INO80: variants seen among roughly 807,000 people sequenced by gnomAD.
INO80 encodes the protein chromatin-remodeling ATPase INO80.
In INO80, 20 loss-of-function variants were observed where a neutral mutation model predicts 203.4. The observed-to-expected ratio is 0.10, with a 90% CI of 0.07 to 0.14. INO80 has a LOEUF of 0.14. Ranked by LOEUF, INO80 falls within the 10% of genes least tolerant of loss-of-function variation. The probability of loss-of-function intolerance (pLI) is 1.00; values close to 1 mark genes in which losing one functional copy is unlikely to be tolerated. For missense variants in INO80, 1,419 were observed against 1,914.4 expected (o/e 0.74, Z 4.83); for synonymous variants, 726 against 685.2 (o/e 1.06, Z -0.93).
intron 35 of INO80, 34 bp downstream of exon 35, chr15:40,982,828 G>C: frequency 6.4e-7 from 1 of 1,555,656 alleles, no homozygotes; most frequent in Non-Finnish European, 8.8e-7. Flanking sequence ...TCTCTGACCA[G>C]AACAAAGTCT....
intron 25 of INO80, chr15:41,023,100 CAAAA>C (rs5812181): frequency 2.4e-3 from 726 of 298,874 alleles, no homozygotes; most frequent in East Asian, 6.2e-3. Flanking sequence ...CAGACTGTCT[CAAAA>C]AAAAAAAAAA....
intron 5 of INO80, among the ~76,000 whole-genome samples, chr15:41,087,946 A>T (rs905934098): frequency 4.6e-5 from 7 of 152,154 alleles, no homozygotes; most frequent in Non-Finnish European, 1.0e-4. Context: ...CTACATACTT[A>T]CTTAAACCTG....
chr15:41,079,086 G>A (rs144163005), intron 9 of INO80, among the ~76,000 whole-genome samples: 45 of 152,204 alleles, frequency 3.0e-4, no homozygotes, highest in African/African-American at 1.0e-3. Context: ...TTGCAGAGCC[G>A]AGATTACGCC....
At chr15:41,054,797 C>A (rs1321766319) in intron 18 of INO80, among the ~76,000 whole-genome samples, 3 of 152,148 alleles carry the variant, frequency 2.0e-5, no homozygotes, top group African/African-American at 7.2e-5. Flanking sequence ...CGCCATCATG[C>A]CCGGCTAATT....
At chr15:41,078,085 A>T (rs1398103502) in intron 9 of INO80, among the ~76,000 whole-genome samples, 1 of 151,872 alleles carries the variant, frequency 6.6e-6, no homozygotes, top group Admixed American at 6.6e-5. Flanking sequence ...TTTTTAGTAG[A>T]GACAGGGTTT....
At chr15:41,000,995 T>C (rs1265244020) in intron 28 of INO80, among the ~76,000 whole-genome samples, 1 of 152,150 alleles carries the variant, frequency 6.6e-6, no homozygotes, top group East Asian at 1.9e-4. Context: ...AAAATAAGAA[T>C]TGCAGACACC....
intron 9 of INO80, 104 bp downstream of exon 9, chr15:41,079,597 A>AAT: frequency 7.3e-6 from 8 of 1,089,088 alleles, no homozygotes; most frequent in Non-Finnish European, 9.5e-6. Context: ...AAAACAAAAA[A>AAT]TTGACAGTGT....
intron 35 of INO80, among the ~76,000 whole-genome samples, chr15:40,982,189 C>T (rs949540707): frequency 2.6e-5 from 4 of 152,228 alleles, no homozygotes; most frequent in African/African-American, 7.2e-5. Context: ...CTCTGTCACC[C>T]ATGCTGGAGT....
At chr15:41,084,139 C>A (rs923392181) in intron 7 of INO80, among the ~76,000 whole-genome samples, 1 of 150,948 alleles carries the variant, frequency 6.6e-6, no homozygotes, top group Non-Finnish European at 1.5e-5. Context: ...ATGTAAACAA[C>A]TGGTGAATCT....
At chr15:41,078,054 C>A (rs1254958026) in intron 9 of INO80, among the ~76,000 whole-genome samples, 1 of 151,992 alleles carries the variant, frequency 6.6e-6, no homozygotes, top group Non-Finnish European at 1.5e-5. Context: ...CGGCCGCCAC[C>A]ATGCCCGGCT....
At chr15:40,996,515 G>A (rs1002666848) in intron 29 of INO80, among the ~76,000 whole-genome samples, 2 of 151,284 alleles carry the variant, frequency 1.3e-5, no homozygotes, top group South Asian at 2.1e-4. Flanking sequence ...TGGTAGAGAC[G>A]TGGTTTCACC....
At chr15:41,046,148 G>GGT (rs1191808294) in intron 23 of INO80, among the ~76,000 whole-genome samples, 12 of 121,416 alleles carry the variant, frequency 9.9e-5, no homozygotes, top group Admixed American at 2.7e-4. Flanking sequence ...ATATTTAAGG[G>GGT]GTGTGTGTGT....
intron 12 of INO80, among the ~76,000 whole-genome samples, chr15:41,070,918 C>T (rs931230070): frequency 2.0e-5 from 3 of 152,220 alleles, no homozygotes; most frequent in Admixed American, 1.3e-4. Flanking sequence ...ATGCCCGTCC[C>T]GGCACTTTGG....
chr15:41,020,880 C>T lies in INO80; in HGVS notation c.3274+20G>A, dbSNP rs544904340. 3 of 1,524,674 alleles carry T rather than the reference C, an allele frequency of 2.0e-6. No individual in the cohort carries two copies. In the East Asian group the frequency reaches 6.8e-5, roughly 34 times the overall value. The allele number at this position is 1,524,674 out of a possible 1,614,324, so 94.4% of individuals were successfully genotyped here. The stretch of plus-strand genomic sequence containing the variant: ...CCTTGCCAAAGCGAGGAACACATTC[C>T]AAGAGGATTGAGAACTCACCTGGAA... On this transcript the variant is annotated intron_variant, in intron 26 of 35. Coordinates refer to ENST00000648947, the MANE Select transcript of INO80 (RefSeq NM_017553.3).
In INO80 at chr15:41,069,497, G is replaced by C; in HGVS notation, c.1782+73C>G. On this transcript the variant is annotated intron_variant, in intron 14 of 35. Transcript: ENST00000648947. Reference sequence around the variant, plus strand: ...AATTTAAAACTGTTATGAGTAATTAGTAGGGCAAGAAAAGGAGAGTCAAAA... The same window carrying C: ...AATTTAAAACTGTTATGAGTAATTACTAGGGCAAGAAAAGGAGAGTCAAAA... The C allele has an allele frequency of 1.1e-6, 1 of 872,062 alleles. No homozygotes were observed. 54.0% of individuals were successfully genotyped at this position (872,062 alleles called of 1,614,324 possible).
At chr15:41,004,284 C>A (rs1409106435) in intron 28 of INO80, among the ~76,000 whole-genome samples, 1 of 124,124 alleles carries the variant, frequency 8.1e-6, no homozygotes, top group Admixed American at 8.8e-5. Flanking sequence ...AGGAAAAATT[C>A]TTTAAACAGA....
rs1306088180 is a variant in INO80, at chr15:41,057,931, AT to A, written c.1985+707del. 1.2e-4 allele frequency among the ~76,000 whole-genome samples: 19 copies of A among 152,238 alleles called. No individual in the cohort carries two copies. The East Asian group carries it at 1.5e-3, about 12-fold the overall frequency. ...GACTCACCATGAGTTAATAAAAAAA[AT>A]ATCAAGCCTGAGGTTTAATATCACC... On this transcript the variant is annotated intron_variant, in intron 16 of 35. Transcript: ENST00000648947.
chr15:41,051,175 T>C (rs1480322926), intron 19 of INO80, among the ~76,000 whole-genome samples: 1 of 146,848 alleles, frequency 6.8e-6, no homozygotes, highest in Non-Finnish European at 1.5e-5. Context: ...CCTACCTTAC[T>C]GTCTGAGTTT....
chr15:41,068,152 T>C (rs2045252831), intron 14 of INO80, among the ~76,000 whole-genome samples: 1 of 152,232 alleles, frequency 6.6e-6, no homozygotes, highest in Non-Finnish European at 1.5e-5. Flanking sequence ...CTGGGTTTGG[T>C]GGCTCGTGCC....
Sources: gnomAD v4.1 joint callset for allele counts (sites outside exome capture counted in the v4.1 genomes callset) on GRCh38, gnomAD v4.1.1 for gene constraint, MANE v1.5 for transcripts, NCBI Gene and HGNC (gene_info 2026-07-23, HGNC 2026-07-21) for gene names.